TTLL3: variants seen among roughly 807,000 people sequenced by gnomAD.
TTLL3 encodes the protein tubulin tyrosine ligase like 3.
TTLL3 carries 63 observed loss-of-function variants against 75.2 expected under a neutral mutation model. The observed-to-expected ratio is 0.84, with a 90% CI of 0.68 to 1.03. The LOEUF is 1.03. TTLL3 is among the 50% of genes least tolerant of loss of function. The pLI is 0.00. For missense variants in TTLL3, 997 were observed against 1,069.9 expected, an observed-to-expected ratio of 0.93 and a Z score of 0.95; for synonymous variants, 393 against 418.5, an observed-to-expected ratio of 0.94 and a Z score of 0.74.
chr3:9,827,267 A>G (rs1309511878), intron 10 of TTLL3, 27 bp downstream of exon 10: 1 of 1,608,790 alleles, frequency 6.2e-7, no homozygotes. Flanking sequence ...GCCTCCCACG[A>G]GCTCCCTGCC....
At chr3:9,817,444 A>AG (rs2079989837) in intron 5 of TTLL3, 1 of 984,704 alleles carries the variant, frequency 1.0e-6, no homozygotes. Flanking sequence ...AGAATGTGAA[A>AG]GGGGGGACAG....
chr3:9,833,320 G>A (rs760055440), intron 12 of TTLL3, 75 bp downstream of exon 12: 1 of 1,569,614 alleles, frequency 6.4e-7, no homozygotes, highest in Non-Finnish European at 8.6e-7. Flanking sequence ...GGGGCACAGT[G>A]AGAAGCCAGT....
At chr3:9,828,782 C>T (rs1349218769) in intron 10 of TTLL3, 178 bp from the exon 11 acceptor site, 2 of 790,698 alleles carry the variant, frequency 2.5e-6, no homozygotes, top group East Asian at 2.7e-5. Context: ...GGTTCTGGCC[C>T]TAGAAGAATG....
At chr3:9,821,387 C>T (rs748718022) in intron 8 of TTLL3, among the ~76,000 whole-genome samples, 1 of 152,282 alleles carries the variant, frequency 6.6e-6, no homozygotes, top group East Asian at 1.9e-4. Flanking sequence ...TGAGCAACTC[C>T]GATGTGCCAA....
chr3:9,817,783 C>CCTGA, intron 6 of TTLL3, 24 bp downstream of exon 6: 1 of 1,613,828 alleles, frequency 6.2e-7, no homozygotes, highest in Non-Finnish European at 8.5e-7. Context: ...CAGCCCTATG[C>CCTGA]CTGAACCTCA....
At chr3:9,818,264 A>G (rs539517807) in intron 6 of TTLL3, 21 of 165,754 alleles carry the variant, frequency 1.3e-4, no homozygotes, top group Admixed American at 6.8e-4. Flanking sequence ...TAGGTGATGA[A>G]CAGAAGAAAC....
chr3:9,813,056 AC>A lies in TTLL3; in HGVS notation c.166del (p.Gln56ArgfsTer38). 1 of 1,587,194 alleles carries A rather than the reference AC, an allele frequency of 6.3e-7. No homozygotes were observed. The highest frequency in any genetic ancestry group is 8.6e-7 in the Non-Finnish European group (1 of 1,164,290). ...VHRSGPTLLP[P>X]QKDLDSSAMG... is the part of the protein sequence containing the mutation. ...ATCGCTCAGGCCCCACCCTGCTGCC[AC>A]CCCAGAAGGATCTGGATAGCTCAGC... On this transcript the variant is annotated frameshift_variant, in exon 3 of 14. Transcript: ENST00000685419. LOFTEE classifies it high-confidence loss of function.
intron 11 of TTLL3, among the ~76,000 whole-genome samples, chr3:9,832,675 C>T (rs2081667750): frequency 6.6e-6 from 1 of 152,170 alleles, no homozygotes; most frequent in Non-Finnish European, 1.5e-5. Context: ...TTCTGCTACC[C>T]CATAACCTGG....
In TTLL3 at chr3:9,829,134, T is replaced by G. The variant is rs781712726; in HGVS notation, c.1422T>G (p.Ala474=). The change falls in exon 11 of 14, where the codon GCT becomes GCG. Residue 474 remains alanine, a synonymous_variant. Coordinates refer to ENST00000685419, the MANE Select transcript of TTLL3 (RefSeq NM_001387446.1). The stretch of plus-strand genomic sequence containing the variant: ...TCATCGTGCCTGGCATGAAGGATGC[T>G]GTGATCCACGCACTTCAGACCTCCC... The part of the protein sequence containing the change: ...STIIVPGMKD[A]VIHALQTSQD... The G allele has an allele frequency of 6.2e-7, 1 of 1,614,228 alleles. No individual in the cohort carries two copies. The highest frequency in any genetic ancestry group is 8.5e-7 in the Non-Finnish European group (1 of 1,180,040).
chr3:9,822,002 C>CAA (rs1197157115), intron 8 of TTLL3, among the ~76,000 whole-genome samples: 5 of 49,998 alleles, frequency 1.0e-4, no homozygotes, highest in African/African-American at 1.5e-4. Context: ...GACTCCGTCT[C>CAA]AAAAAAAAAA....
chr3:9,829,719 C>T (rs1235019568), intron 11 of TTLL3, among the ~76,000 whole-genome samples: 1 of 152,158 alleles, frequency 6.6e-6, no homozygotes, highest in African/African-American at 2.4e-5. Flanking sequence ...TGACAACAAG[C>T]TATGTGACTT....
Position 9,828,984 on chromosome 3 carries a change from C to T in TTLL3, c.1272C>T (p.Ser424=). 2 of 1,614,212 alleles carry T rather than the reference C, an allele frequency of 1.2e-6. No homozygotes were observed. The highest frequency in any genetic ancestry group is 1.1e-5 in the South Asian group (1 of 91,090). ...LDNSVHLCNN[S]IQKHLENSCH... ...GCTCAGTGCACCTGTGCAACAACTC[C>T]ATCCAGAAGCACCTGGAGAACTCAT... Residue 424 remains serine (S), a synonymous_variant, in exon 11 of 14, where the codon TCC becomes TCT. Transcript: ENST00000685419.
rs114882376 is a variant in TTLL3 at position 9,816,338 on chromosome 3, G to A, written c.444+136G>A. 72 of 932,732 alleles carry A rather than the reference G, an allele frequency of 7.7e-5. No homozygotes were observed. The African/African-American group carries it at 1.2e-3, about 15-fold the overall frequency. The allele number at this position is 932,732 out of a possible 1,614,324, so 57.8% of individuals were successfully genotyped here. The stretch of plus-strand genomic sequence containing the variant: ...AAGTATACAATTCAGAAAATTTGGA[G>A]TCTGACCAGTATCTGGCAAGTTCAA... On this transcript the variant is annotated intron_variant, in intron 5 of 13. Coordinates refer to ENST00000685419, the MANE Select transcript of TTLL3 (RefSeq NM_001387446.1).
intron 10 of TTLL3, chr3:9,827,575 T>C: frequency 3.6e-6 from 1 of 277,074 alleles, no homozygotes; most frequent in Non-Finnish European, 7.0e-6. Context: ...TTTAAGTTTT[T>C]TAATGTAGAC....
At chr3:9,825,994 A>G in intron 9 of TTLL3, 46 bp downstream of exon 9, 2 of 1,599,140 alleles carry the variant, frequency 1.3e-6, no homozygotes, top group Non-Finnish European at 1.7e-6. Flanking sequence ...CACCACCTGC[A>G]TCTACCAGTA....
chr3:9,829,386 C>T lies in TTLL3; in HGVS notation c.1674C>T (p.Ile558=), dbSNP rs1385065380. The part of the protein sequence containing the change: ...RNCDTGAFEL[I]YKQPAVEVPQ... ...GTGACACAGGAGCCTTTGAGCTCATCTATAAGCAGGTGAGGAGGTTGGGCC... is the reference window on the plus strand; with the variant it reads ...GTGACACAGGAGCCTTTGAGCTCATTTATAAGCAGGTGAGGAGGTTGGGCC... Residue 558 remains isoleucine (I), a synonymous_variant, in exon 11 of 14, where the codon ATC becomes ATT. Coordinates refer to ENST00000685419, the MANE Select transcript of TTLL3 (RefSeq NM_001387446.1). The T allele has an allele frequency of 3.1e-6, 5 of 1,592,442 alleles. No individual in the cohort carries two copies. Among genetic ancestry groups the T allele is most frequent in the East Asian group, 2.2e-5 (1 of 44,588 alleles).
intron 12 of TTLL3, among the ~76,000 whole-genome samples, chr3:9,833,454 C>T (rs2081769954): frequency 6.6e-6 from 1 of 152,248 alleles, no homozygotes; most frequent in South Asian, 2.1e-4. Context: ...GCTGCATTTT[C>T]ACCATGACCT....
At chr3:9,825,698 TGCCTGGATGACGGCGGGGGATG>T in intron 8 of TTLL3, 80 bp from the exon 9 acceptor site, 1 of 1,605,620 alleles carries the variant, frequency 6.2e-7, no homozygotes, top group Non-Finnish European at 8.5e-7. Context: ...TGACCAAGGC[TGCCTGGATGACGGCGGGGGATG>T]GTGGAATATA....
rs1396968094 is a variant in TTLL3 at position 9,823,405 on chromosome 3, T to G, written c.855-2395T>G. Among the ~76,000 whole-genome samples, 45 of 150,056 alleles carry G rather than the reference T, an allele frequency of 3.0e-4. 1 individual carries two copies. In the South Asian group the frequency reaches 9.3e-3, roughly 31 times the overall value. ...TCAAAGAAAAAACAAACAGCCAGTT[T>G]TTTTTTTTTTTTTTTTTTAAATCCT... On this transcript the variant is annotated intron_variant, in intron 8 of 13. Transcript: ENST00000685419.
Sources: allele counts gnomAD v4.1 joint callset (sites outside exome capture counted in the v4.1 genomes callset), GRCh38; gene constraint gnomAD v4.1.1; transcripts MANE v1.5; gene names NCBI Gene and HGNC (gene_info 2026-07-23, HGNC 2026-07-21).